Variants in LRRTM4 observed in about 807,000 individuals in gnomAD.
LRRTM4 encodes leucine rich repeat transmembrane neuronal 4.
Under a neutral mutation model 47.6 loss-of-function variants are expected in LRRTM4, and 25 were observed. That is an observed-to-expected ratio of 0.53 (90% CI 0.38 to 0.73). LRRTM4 has a LOEUF of 0.73. Ranked by LOEUF, LRRTM4 falls within the 30% of genes least tolerant of loss-of-function variation. The probability of loss-of-function intolerance (pLI) is 0.00; values close to 1 mark genes in which losing one functional copy is unlikely to be tolerated. For missense variants in LRRTM4, 638 were observed against 713.4 expected (o/e 0.89, Z 1.20); for synonymous variants, 311 against 269.5 (o/e 1.15, Z -1.51).
intron 3 of LRRTM4, among the ~76,000 whole-genome samples, chr2:77,511,634 A>G (rs932462561): frequency 6.6e-6 from 1 of 151,826 alleles, no homozygotes; most frequent in African/African-American, 2.4e-5. Context: ...GGTATTTATT[A>G]TTATTGTTTG....
chr2:77,061,168 T>C (rs1679773606), intron 3 of LRRTM4, among the ~76,000 whole-genome samples: 1 of 152,114 alleles, frequency 6.6e-6, no homozygotes, highest in African/African-American at 2.4e-5. Flanking sequence ...GTAGTCCTTC[T>C]TATATCACAA....
intron 3 of LRRTM4, among the ~76,000 whole-genome samples, chr2:76,850,527 T>C (rs1417012422): frequency 6.6e-6 from 1 of 152,210 alleles, no homozygotes; most frequent in Non-Finnish European, 1.5e-5. Flanking sequence ...TATCCCCTGT[T>C]ACTGCAGAGA....
intron 3 of LRRTM4, among the ~76,000 whole-genome samples, chr2:77,054,209 A>G (rs1265796721): frequency 1.3e-5 from 2 of 152,138 alleles, no homozygotes; most frequent in Middle Eastern, 3.2e-3. Context: ...ACCTACAGAG[A>G]CTGTGCAAGC....
At chr2:76,827,898 T>C (rs1274937772) in intron 3 of LRRTM4, among the ~76,000 whole-genome samples, 2 of 151,886 alleles carry the variant, frequency 1.3e-5, no homozygotes, top group Non-Finnish European at 2.9e-5. Flanking sequence ...CAGTTACTGT[T>C]TCTAAAAACC....
rs150596083 is a variant in LRRTM4 at position 77,469,374 on chromosome 2, CA to C, written c.1551+48943del. Reference sequence around the variant, plus strand: ...TTTGATGGAGAAAGAGAGAATGTGTCAGGGGGGCAGGAAAAAAATCCTACAA... The same window carrying C: ...TTTGATGGAGAAAGAGAGAATGTGTCGGGGGGCAGGAAAAAAATCCTACAA... On this transcript the variant is annotated intron_variant, in intron 3 of 3. Transcript: ENST00000409884. 5.1e-3 allele frequency among the ~76,000 whole-genome samples: 771 copies of C among 151,236 alleles called. 16 individuals are homozygous for C. In the East Asian group the frequency reaches 0.074, roughly 15 times the overall value.
chr2:77,195,863 AG>A, intron 3 of LRRTM4, among the ~76,000 whole-genome samples: 1 of 152,118 alleles, frequency 6.6e-6, no homozygotes, highest in Non-Finnish European at 1.5e-5. Flanking sequence ...GGTTCAAACA[AG>A]GGTGTGTGGT....
intron 3 of LRRTM4, among the ~76,000 whole-genome samples, chr2:77,332,087 T>A (rs1348213870): frequency 3.3e-5 from 5 of 152,156 alleles, no homozygotes; most frequent in Non-Finnish European, 7.3e-5. Flanking sequence ...TCCCCAGTTT[T>A]CTAGAAAAAT....
intron 3 of LRRTM4, among the ~76,000 whole-genome samples, chr2:77,371,693 C>A (rs1672662680): frequency 2.0e-5 from 3 of 151,666 alleles, no homozygotes; most frequent in Non-Finnish European, 4.4e-5. Flanking sequence ...CACTAATTAA[C>A]CTTATTTCCT....
At chr2:77,318,000 C>CTTTTTT (rs61212194) in intron 3 of LRRTM4, among the ~76,000 whole-genome samples, 8 of 99,792 alleles carry the variant, frequency 8.0e-5, no homozygotes, top group Admixed American at 1.2e-4. Context: ...ATTCCTAACA[C>CTTTTTT]TTTTTTTTTT....
intron 3 of LRRTM4, among the ~76,000 whole-genome samples, chr2:77,360,200 G>C (rs1672129774): frequency 6.6e-6 from 1 of 152,110 alleles, no homozygotes; most frequent in South Asian, 2.1e-4. Context: ...GCTCACGCCT[G>C]TAATCCCAGT....
intron 3 of LRRTM4, among the ~76,000 whole-genome samples, chr2:77,447,566 T>C (rs189824771): frequency 5.3e-5 from 8 of 152,272 alleles, no homozygotes; most frequent in African/African-American, 1.9e-4. Context: ...CTCACAAGCT[T>C]CAACCATTCT....
intron 3 of LRRTM4, among the ~76,000 whole-genome samples, chr2:77,055,649 A>T (rs980365145): frequency 1.3e-5 from 2 of 152,182 alleles, no homozygotes; most frequent in Non-Finnish European, 2.9e-5. Flanking sequence ...TCAGGGATCT[A>T]GAACTGGAAA....
chr2:77,084,811 T>C (rs1292962491), intron 3 of LRRTM4, among the ~76,000 whole-genome samples: 1 of 152,230 alleles, frequency 6.6e-6, no homozygotes, highest in Non-Finnish European at 1.5e-5. Context: ...ATACATGAAG[T>C]ACTAACATTT....
chr2:76,805,961 A>C (rs769904898), intron 3 of LRRTM4, among the ~76,000 whole-genome samples: 4 of 152,140 alleles, frequency 2.6e-5, no homozygotes, highest in Non-Finnish European at 4.4e-5. Flanking sequence ...TTCTATCTCG[A>C]AGGACCACAA....
At chr2:77,070,498 ATAT>A (rs58415584) in intron 3 of LRRTM4, among the ~76,000 whole-genome samples, 23,022 of 151,960 alleles carry the variant, frequency 0.15, 2,572 homozygotes, top group East Asian at 0.42. Flanking sequence ...GCAAACTAAA[ATAT>A]TATTATCACT....
intron 3 of LRRTM4, among the ~76,000 whole-genome samples, chr2:77,024,306 A>T (rs1678375242): frequency 6.6e-6 from 1 of 152,180 alleles, no homozygotes; most frequent in Non-Finnish European, 1.5e-5. Context: ...TTGACTTTTT[A>T]GATTCCACAT....
chr2:77,456,953 A>AATTAT (rs201320498), intron 3 of LRRTM4, among the ~76,000 whole-genome samples: 29 of 130,444 alleles, frequency 2.2e-4, no homozygotes, highest in East Asian at 1.2e-3. Context: ...ATTAAATTCA[A>AATTAT]ATTATATTAT....
chr2:77,463,301 A>G (rs1368637106), intron 3 of LRRTM4, among the ~76,000 whole-genome samples: 1 of 152,104 alleles, frequency 6.6e-6, no homozygotes, highest in Non-Finnish European at 1.5e-5. Flanking sequence ...GTGGACCATC[A>G]TTGATGAAAG....
chr2:76,882,111 G>A (rs984904556), intron 3 of LRRTM4, among the ~76,000 whole-genome samples: 2 of 152,070 alleles, frequency 1.3e-5, no homozygotes, highest in Non-Finnish European at 2.9e-5. Flanking sequence ...CTTCCGTTCA[G>A]AAGTTCATGC....
Sources: allele counts gnomAD v4.1 joint callset (sites outside exome capture counted in the v4.1 genomes callset), GRCh38; gene constraint gnomAD v4.1.1; transcripts MANE v1.5; gene names NCBI Gene and HGNC (gene_info 2026-07-23, HGNC 2026-07-21).